LIMS2: variants seen among roughly 807,000 people sequenced by gnomAD.
LIMS2 encodes LIM and senescent cell antigen-like-containing domain protein 2.
Under a neutral mutation model 45.3 loss-of-function variants are expected in LIMS2, and 30 were observed. That is an observed-to-expected ratio of 0.66 (90% confidence interval 0.50 to 0.90). LIMS2 has a LOEUF of 0.90. LIMS2 is among the 40% of genes least tolerant of loss of function. LIMS2 has a pLI of 0.00. For missense variants in LIMS2, 485 were observed against 468.7 expected, an observed-to-expected ratio of 1.03 and a Z score of -0.32; for synonymous variants, 173 against 188.0, an observed-to-expected ratio of 0.92 and a Z score of 0.65.
intron 1 of LIMS2, among the ~76,000 whole-genome samples, chr2:127,661,605 C>G (rs1284777965): frequency 6.6e-6 from 1 of 152,242 alleles, no homozygotes; most frequent in East Asian, 1.9e-4. Context: ...GTAGAACATA[C>G]TGCCCAGGGC....
rs912968564 is a variant in LIMS2, at chr2:127,664,068, C to T, written c.12-6506G>A. ...GTGCTGGGGGCTACACAGGCTCCCTCGTCTCTAACATAGGTCCCTGGGCGC... is the reference window on the plus strand; with the variant it reads ...GTGCTGGGGGCTACACAGGCTCCCTTGTCTCTAACATAGGTCCCTGGGCGC... On this transcript the variant is annotated intron_variant, in intron 1 of 9. Coordinates refer to ENST00000355119, the MANE Select transcript of LIMS2 (RefSeq NM_001161403.3). This position sits in a 1 kb window ranked among gnomAD's most constrained non-coding sequence, Gnocchi z 5.5. 6.6e-6 allele frequency among the ~76,000 whole-genome samples: 1 copy of T among 152,178 alleles called. No homozygotes were observed. The highest frequency in any genetic ancestry group is 1.5e-5 in the Non-Finnish European group (1 of 68,034).
At chr2:127,658,436 G>A (rs529918937) in intron 1 of LIMS2, among the ~76,000 whole-genome samples, 239 of 152,288 alleles carry the variant, frequency 1.6e-3, no homozygotes, top group Non-Finnish European at 2.5e-3. Context: ...GAGACGAGAC[G>A]GGAGTGTGGT....
chr2:127,656,241 TTGA>T (rs761217879), intron 2 of LIMS2, among the ~76,000 whole-genome samples: 13 of 152,206 alleles, frequency 8.5e-5, no homozygotes, highest in Non-Finnish European at 1.3e-4. Context: ...CCCAAGATTG[TTGA>T]TGATTTAACG....
At chr2:127,657,720 G>A (rs1684358420) in intron 1 of LIMS2, among the ~76,000 whole-genome samples, 158 bp from the exon 2 acceptor site, 1 of 152,222 alleles carries the variant, frequency 6.6e-6, no homozygotes. Context: ...AGGCTGCTCA[G>A]TGCTTGTAGT....
In LIMS2 at chr2:127,664,291, C is replaced by A; in HGVS notation, c.12-6729G>T. 8.1e-7 allele frequency: 1 copy of A among 1,236,742 alleles called. No homozygotes were observed. The highest frequency in any genetic ancestry group is 1.0e-6 in the Non-Finnish European group (1 of 990,876). 76.6% of individuals were successfully genotyped at this position (1,236,742 alleles called of 1,614,324 possible). A position where few individuals can be genotyped will look rare whatever the true frequency, so the allele number is the denominator to read the frequency against. ...GCCATTGTCCCCGCCACCCGCCCCGCCCCTGGCCACCTACCCCGTGGCTGG... is the reference window on the plus strand; with the variant it reads ...GCCATTGTCCCCGCCACCCGCCCCGACCCTGGCCACCTACCCCGTGGCTGG... On this transcript the variant is annotated intron_variant, in intron 1 of 9. Transcript: ENST00000355119. The surrounding 1 kb of genome is among the most constrained non-coding windows in gnomAD (Gnocchi z 5.5).
chr2:127,675,871 A>G (rs1685486645), upstream of LIMS2, among the ~76,000 whole-genome samples: 1 of 152,206 alleles, frequency 6.6e-6, no homozygotes, highest in Non-Finnish European at 1.5e-5. Flanking sequence ...TTCCCCGGGA[A>G]ATTCCGATTT....
Position 127,667,162 on chromosome 2 carries a change from A to G in LIMS2, c.11+7852T>C, listed in dbSNP as rs1685045270. Among the ~76,000 whole-genome samples the G allele has an allele frequency of 6.6e-6, 1 of 152,204 alleles. No homozygotes were observed. Among genetic ancestry groups the G allele is most frequent in the African/African-American group, 2.4e-5 (1 of 41,456 alleles). On this transcript the variant is annotated intron_variant, in intron 1 of 9. Transcript: ENST00000355119. The surrounding 1 kb of genome is among the most constrained non-coding windows in gnomAD (Gnocchi z 4.1). The stretch of plus-strand genomic sequence containing the variant: ...ATACAAAACACCAGTGTGGTGGCAC[A>G]TGCCTATAATCCCAGCTACTCAGGA...
At chr2:127,680,146 C>T (rs1483072539), upstream of LIMS2, among the ~76,000 whole-genome samples, 1 of 152,230 alleles carries the variant, frequency 6.6e-6, no homozygotes, top group Non-Finnish European at 1.5e-5. Flanking sequence ...GTGAGAACCC[C>T]CCGGGGGGGA....
At position 127,663,079 on chromosome 2, in the gene LIMS2, G is replaced by A. The variant is rs573997490; in HGVS notation, c.12-5517C>T. Among the ~76,000 whole-genome samples the A allele has an allele frequency of 1.6e-4, 25 of 152,360 alleles. No homozygotes were observed. The South Asian group carries it at 3.1e-3, about 19-fold the overall frequency. Reference sequence around the variant, plus strand: ...CGCATGCATGCTCAGGGCTGCCCCAGGCCTGTCATCATCGTGCCTGTCCTG... The same window carrying A: ...CGCATGCATGCTCAGGGCTGCCCCAAGCCTGTCATCATCGTGCCTGTCCTG... On this transcript the variant is annotated intron_variant, in intron 1 of 9. Coordinates refer to ENST00000355119, the MANE Select transcript of LIMS2 (RefSeq NM_001161403.3).
At chr2:127,663,853 A>G (rs1170358464) in intron 1 of LIMS2, among the ~76,000 whole-genome samples, 3 of 151,952 alleles carry the variant, frequency 2.0e-5, no homozygotes, top group Non-Finnish European at 4.4e-5. Flanking sequence ...CAACCTCCCC[A>G]TCCAGAGCCA....
intron 1 of LIMS2, among the ~76,000 whole-genome samples, chr2:127,661,146 C>T (rs1222483955): frequency 6.6e-6 from 1 of 152,250 alleles, no homozygotes; most frequent in Non-Finnish European, 1.5e-5. Flanking sequence ...CAGTGTGACA[C>T]AGAGAGGCCG....
chr2:127,680,316 G>A (rs1287932141), upstream of LIMS2, among the ~76,000 whole-genome samples: 5 of 152,260 alleles, frequency 3.3e-5, no homozygotes, highest in Non-Finnish European at 5.9e-5. Context: ...AGCTGGGCAC[G>A]ATGGTGCATG....
At position 127,664,569 on chromosome 2, in the gene LIMS2, A is replaced by G; in HGVS notation, c.12-7007T>C. The G allele has an allele frequency of 1.7e-6, 2 of 1,146,934 alleles. No homozygotes were observed. Among genetic ancestry groups the G allele is most frequent in the Non-Finnish European group, 2.1e-6 (2 of 934,046 alleles). 71.0% of individuals were successfully genotyped at this position (1,146,934 alleles called of 1,614,324 possible). Reference sequence around the variant, plus strand: ...CGCGCTGGGATCTCCAAAGGGCAGCAGAGTCAACTCCAAATAGAAAGGATA... The same window carrying G: ...CGCGCTGGGATCTCCAAAGGGCAGCGGAGTCAACTCCAAATAGAAAGGATA... On this transcript the variant is annotated intron_variant, in intron 1 of 9. Transcript: ENST00000355119. The surrounding 1 kb of genome is among the most constrained non-coding windows in gnomAD (Gnocchi z 5.5).
intron 1 of LIMS2, among the ~76,000 whole-genome samples, chr2:127,661,608 C>A (rs1383107639): frequency 6.6e-6 from 1 of 152,200 alleles, no homozygotes; most frequent in African/African-American, 2.4e-5. Flanking sequence ...GAACATACTG[C>A]CCAGGGCACA....
Position 127,643,060 on chromosome 2 carries a change from C to A in LIMS2, c.372G>T (p.Arg124=). 6.3e-7 allele frequency: 1 copy of A among 1,580,992 alleles called. No individual in the cohort carries two copies. Reference sequence around the variant, plus strand: ...TGGCCTTCTCACGGTTGTGGCAAGGCCGGCAGAGATGCCTGCGGGAGGCGG... The same window carrying A: ...TGGCCTTCTCACGGTTGTGGCAAGGACGGCAGAGATGCCTGCGGGAGGCGG... ...FVKNAGRHLC[R]PCHNREKAKG... Residue 124 remains arginine (R), a synonymous_variant, in exon 5 of 10, where the codon CGG becomes CGT. Transcript: ENST00000355119.
rs920085941 is a variant in LIMS2 at position 127,642,504 on chromosome 2, G to A, written c.510-305C>T. 10 of 384,666 alleles carry A rather than the reference G, an allele frequency of 2.6e-5. No homozygotes were observed. The highest frequency in any genetic ancestry group is 1.7e-4 in the East Asian group (4 of 23,040). 23.8% of individuals were successfully genotyped at this position (384,666 alleles called of 1,614,324 possible). ...CCAGAGGGGGTGTCTGGATAGGCAC[G>A]GAGAGGACTGGAGGGGACGGTGGGG... On this transcript the variant is annotated intron_variant, in intron 5 of 9. Transcript: ENST00000355119. The surrounding 1 kb of genome is among the most constrained non-coding windows in gnomAD (Gnocchi z 5.3).
intron 4 of LIMS2, chr2:127,650,440 G>C (rs904402696): frequency 1.8e-6 from 1 of 546,876 alleles, no homozygotes; most frequent in African/African-American, 1.9e-5. Context: ...TCCCAGCTCT[G>C]AGGAGCCTCA....
chr2:127,652,129 G>A, intron 4 of LIMS2: 1 of 273,100 alleles, frequency 3.7e-6, no homozygotes, highest in Admixed American at 4.9e-5. Flanking sequence ...GAAAGACCCT[G>A]AAGGCAGGCT....
chr2:127,660,515 T>C (rs1246779070), intron 1 of LIMS2, among the ~76,000 whole-genome samples: 1 of 152,190 alleles, frequency 6.6e-6, no homozygotes, highest in Non-Finnish European at 1.5e-5. Context: ...ATTCCGGATG[T>C]GCCACCTTTA....
Sources: gnomAD v4.1 joint callset for allele counts (sites outside exome capture counted in the v4.1 genomes callset) on GRCh38, gnomAD v4.1.1 for gene constraint, Gnocchi (gnomAD v3.1) non-coding constraint, MANE v1.5 for transcripts, NCBI Gene and HGNC (gene_info 2026-07-23, HGNC 2026-07-21) for gene names.